Variants in CLUL1 observed in about 807,000 individuals in gnomAD.
The protein encoded by CLUL1 is clusterin-like protein 1.
Under a neutral mutation model 49.4 loss-of-function variants are expected in CLUL1, and 43 were observed. The ratio of observed to expected loss-of-function variants is 0.87; its 90% CI spans 0.68 to 1.12. The LOEUF is 1.12. CLUL1 is among the 50% of genes most tolerant of loss of function. The pLI is 0.00. For missense variants in CLUL1, 486 were observed against 544.4 expected (o/e 0.89, Z 1.07); for synonymous variants, 192 against 184.9 (o/e 1.04, Z -0.31).
At chr18:636,624 CTTTTT>C (rs68150473) in intron 7 of CLUL1, among the ~76,000 whole-genome samples, 4 of 122,060 alleles carry the variant, frequency 3.3e-5, no homozygotes, top group Non-Finnish European at 1.7e-5. Context: ...CCCTTTCTCT[CTTTTT>C]TTTTTTTTTT....
chr18:617,361 G>A (rs1016240210), intron 2 of CLUL1, among the ~76,000 whole-genome samples: 2 of 152,086 alleles, frequency 1.3e-5, no homozygotes, highest in African/African-American at 4.8e-5. Context: ...TTGGGAGGCC[G>A]AGGGGGGCGG....
chr18:628,901 G>A (rs1440886415), intron 6 of CLUL1, among the ~76,000 whole-genome samples: 1 of 151,948 alleles, frequency 6.6e-6, no homozygotes, highest in Non-Finnish European at 1.5e-5. Context: ...CCAAAGTGCT[G>A]GAATTACAAG....
At chr18:644,780 C>T in intron 8 of CLUL1, 130 bp from the exon 9 acceptor site, 1 of 577,182 alleles carries the variant, frequency 1.7e-6, no homozygotes, top group Middle Eastern at 4.7e-4. Context: ...TTGCATGAAG[C>T]CCTAGGAATG....
intron 2 of CLUL1, 142 bp downstream of exon 2, chr18:607,241 C>T (rs377073988): frequency 3.4e-6 from 2 of 591,816 alleles, no homozygotes; most frequent in African/African-American, 3.7e-5. Flanking sequence ...GTTTCTCTTG[C>T]CTCAGCCTCC....
At chr18:617,533 T>G (rs1567960543) in intron 2 of CLUL1, among the ~76,000 whole-genome samples, 2 of 137,212 alleles carry the variant, frequency 1.5e-5, no homozygotes, top group Non-Finnish European at 3.0e-5. Flanking sequence ...AGGTGGAGGT[T>G]GCGGTGGGCC....
rs141016114 is a variant in CLUL1 at position 609,139 on chromosome 18, G to A, written c.-14+2040G>A. 5.6e-3 allele frequency among the ~76,000 whole-genome samples: 845 copies of A among 152,130 alleles called. 12 individuals are homozygous for A. Among genetic ancestry groups the A allele is most frequent in the African/African-American group, 0.019 (791 of 41,482 alleles). On this transcript the variant is annotated intron_variant, in intron 2 of 9. Coordinates refer to ENST00000692774, the MANE Select transcript of CLUL1 (RefSeq NM_001393344.1). ...TATGTTTCATATACACCTTATACACGTAGCCTGAAGGTAAATTTACACAAT... is the reference window on the plus strand; with the variant it reads ...TATGTTTCATATACACCTTATACACATAGCCTGAAGGTAAATTTACACAAT...
chr18:597,502 G>T (rs774863998), intron 1 of CLUL1, among the ~76,000 whole-genome samples: 2 of 152,134 alleles, frequency 1.3e-5, no homozygotes, highest in Non-Finnish European at 2.9e-5. Flanking sequence ...GAGGGGGGCC[G>T]ATCACTTGAG....
At chr18:617,214 T>C (rs971122184) in intron 2 of CLUL1, among the ~76,000 whole-genome samples, 1 of 151,650 alleles carries the variant, frequency 6.6e-6, no homozygotes, top group African/African-American at 2.4e-5. Context: ...TTATAAGGAG[T>C]ATGAGAAAAA....
At chr18:603,511 A>C (rs1329567065) in intron 1 of CLUL1, among the ~76,000 whole-genome samples, 2 of 152,198 alleles carry the variant, frequency 1.3e-5, no homozygotes, top group African/African-American at 4.8e-5. Flanking sequence ...TTGCAAAGAA[A>C]TGCGTAGGGA....
rs1175952558 is a variant in CLUL1 at position 618,554 on chromosome 18, GA to G, written c.106+449del. The stretch of plus-strand genomic sequence containing the variant: ...CCATTAACTTGCAACTTTGCTTGGT[GA>G]TATATACTTTGGGTACTTAATATAT... On this transcript the variant is annotated intron_variant, in intron 3 of 9. Transcript: ENST00000692774. The surrounding 1 kb of genome is among the most constrained non-coding windows in gnomAD (Gnocchi z 4.2). Among the ~76,000 whole-genome samples the G allele has an allele frequency of 6.6e-6, 1 of 152,184 alleles. No homozygotes were observed. The highest frequency in any genetic ancestry group is 1.5e-5 in the Non-Finnish European group (1 of 68,036).
intron 1 of CLUL1, among the ~76,000 whole-genome samples, chr18:602,807 G>A (rs1044261443): frequency 6.6e-6 from 1 of 152,108 alleles, no homozygotes; most frequent in Non-Finnish European, 1.5e-5. Flanking sequence ...GACCTAGAAG[G>A]GGCAATATAC....
intron 2 of CLUL1, among the ~76,000 whole-genome samples, chr18:608,537 T>G (rs1450609262): frequency 2.0e-5 from 3 of 152,222 alleles, no homozygotes; most frequent in Non-Finnish European, 4.4e-5. Flanking sequence ...TGTGACATTT[T>G]GGCTAACAAG....
chr18:618,972 A>G lies in CLUL1; in HGVS notation c.107-241A>G, dbSNP rs970050117. Among the ~76,000 whole-genome samples the G allele has an allele frequency of 6.6e-6, 1 of 152,156 alleles. No individual in the cohort carries two copies. The highest frequency in any genetic ancestry group is 1.5e-5 in the Non-Finnish European group (1 of 68,028). On this transcript the variant is annotated intron_variant, in intron 3 of 9. Transcript: ENST00000692774. The surrounding 1 kb of genome is among the most constrained non-coding windows in gnomAD (Gnocchi z 4.2). The stretch of plus-strand genomic sequence containing the variant: ...GAAAACAGGGCCTGAGCAAGATGAC[A>G]AGAATGAGGTTCAGTGAACTCTATT...
At chr18:604,954 G>A (rs1048730235) in intron 1 of CLUL1, among the ~76,000 whole-genome samples, 2 of 152,168 alleles carry the variant, frequency 1.3e-5, no homozygotes, top group African/African-American at 4.8e-5. Context: ...CGTCCACTAG[G>A]GACATGTTTA....
At chr18:616,774 C>T in intron 2 of CLUL1, 1 of 861,846 alleles carries the variant, frequency 1.2e-6, no homozygotes. Flanking sequence ...GGTAAATACA[C>T]TATATTAATA....
rs1460759201 is a variant in CLUL1 at position 627,087 on chromosome 18, T to C, written c.424-10T>C. On this transcript the variant is annotated splice_polypyrimidine_tract_variant and intron_variant, in intron 5 of 9. Transcript: ENST00000692774. ...TTTATTCCATTTCTGTCCCCTACTCTACTCCACAGATTGAACGGTTTTTCA... is the reference window on the plus strand; with the variant it reads ...TTTATTCCATTTCTGTCCCCTACTCCACTCCACAGATTGAACGGTTTTTCA... 1.3e-6 allele frequency: 2 copies of C among 1,577,326 alleles called. No individual in the cohort carries two copies. The highest frequency in any genetic ancestry group is 1.7e-6 in the Non-Finnish European group (2 of 1,149,130).
At chr18:634,111 C>G (rs2074072121) in intron 7 of CLUL1, among the ~76,000 whole-genome samples, 2 of 152,022 alleles carry the variant, frequency 1.3e-5, no homozygotes, top group South Asian at 4.2e-4. Flanking sequence ...TGGGGGCGTT[C>G]AATGTAGGTT....
intron 6 of CLUL1, among the ~76,000 whole-genome samples, chr18:628,788 C>A (rs935869531): frequency 3.3e-5 from 5 of 151,618 alleles, no homozygotes; most frequent in Non-Finnish European, 7.4e-5. Context: ...CCCGCCACCA[C>A]GCCTGGCTAA....
At chr18:646,374 T>C (rs1306197689) in intron 9 of CLUL1, among the ~76,000 whole-genome samples, 1 of 151,360 alleles carries the variant, frequency 6.6e-6, no homozygotes, top group East Asian at 1.9e-4. Flanking sequence ...CCAACCAATA[T>C]CTTTTTAGCA....
Sources: gnomAD v4.1 joint callset for allele counts (sites outside exome capture counted in the v4.1 genomes callset) on GRCh38, gnomAD v4.1.1 for gene constraint, Gnocchi (gnomAD v3.1) non-coding constraint, MANE v1.5 for transcripts, NCBI Gene and HGNC (gene_info 2026-07-23, HGNC 2026-07-21) for gene names.